The following CHRM3 variants were observed in gnomAD, a reference collection of about 807,000 sequenced individuals.
The protein encoded by CHRM3 is cholinergic receptor muscarinic 3, also known as muscarinic acetylcholine receptor M3.
CHRM3 carries 11 observed loss-of-function variants against 41.8 expected under a neutral mutation model. The ratio of observed to expected loss-of-function variants is 0.26; its 90% confidence interval spans 0.17 to 0.44. The LOEUF is 0.44. Among genes scored for constraint, CHRM3 ranks in the 20% least tolerant of loss-of-function variants. CHRM3 has a pLI of 1.00. For synonymous variants in CHRM3, 297 were observed against 301.4 expected, an observed-to-expected ratio of 0.99 and a Z score of 0.15; for missense variants, 571 against 745.4, an observed-to-expected ratio of 0.77 and a Z score of 2.72.
intron 4 of CHRM3, among the ~76,000 whole-genome samples, chr1:239,654,214 C>T (rs1191159760): frequency 1.3e-5 from 2 of 152,102 alleles, no homozygotes; most frequent in African/African-American, 4.8e-5. Context: ...AAGCAATCCT[C>T]TTGCTTAGGC....
intron 5 of CHRM3, chr1:239,705,231 A>T (rs1227500555): frequency 6.6e-6 from 1 of 152,212 alleles, no homozygotes; most frequent in Non-Finnish European, 1.5e-5. Context: ...AAAAGAAAAA[A>T]GTATGGAGCA....
intron 5 of CHRM3, among the ~76,000 whole-genome samples, chr1:239,774,271 C>T (rs1464529387): frequency 6.6e-6 from 1 of 152,136 alleles, no homozygotes; most frequent in Admixed American, 6.6e-5. Context: ...GCTCTTTTTA[C>T]AGCTGTGGCT....
chr1:239,549,469 G>C (rs557949180), intron 3 of CHRM3, among the ~76,000 whole-genome samples: 1 of 147,664 alleles, frequency 6.8e-6, no homozygotes, highest in South Asian at 2.2e-4. Flanking sequence ...GGCCAACATG[G>C]TGAAAACCCA....
chr1:239,775,090 T>G (rs573424805), intron 5 of CHRM3, among the ~76,000 whole-genome samples: 85 of 152,308 alleles, frequency 5.6e-4, no homozygotes, highest in African/African-American at 2.0e-3. Context: ...TATTTGATAT[T>G]TTTCCATGTT....
At chr1:239,735,547 T>C (rs532416302) in intron 5 of CHRM3, among the ~76,000 whole-genome samples, 1 of 152,280 alleles carries the variant, frequency 6.6e-6, no homozygotes, top group Non-Finnish European at 1.5e-5. Context: ...AAACATGGAT[T>C]CATTAATTTT....
intron 3 of CHRM3, among the ~76,000 whole-genome samples, chr1:239,557,247 A>G (rs73120631): frequency 0.013 from 1,987 of 152,248 alleles, 37 homozygotes; most frequent in African/African-American, 0.043. Context: ...TGTCAGTGTG[A>G]TTCAAACCTC....
intron 2 of CHRM3, among the ~76,000 whole-genome samples, chr1:239,515,021 C>T (rs1669163530): frequency 6.6e-6 from 1 of 152,042 alleles, no homozygotes; most frequent in Non-Finnish European, 1.5e-5. Flanking sequence ...ACATTTTTGT[C>T]AGCACATATG....
At chr1:239,505,224 A>G (rs528629199) in intron 2 of CHRM3, among the ~76,000 whole-genome samples, 1 of 152,026 alleles carries the variant, frequency 6.6e-6, no homozygotes, top group South Asian at 2.1e-4. Flanking sequence ...GTGTAGAGGA[A>G]TGCTTGAGGC....
chr1:239,538,097 G>A (rs555816369), intron 2 of CHRM3, among the ~76,000 whole-genome samples: 26 of 152,266 alleles, frequency 1.7e-4, no homozygotes, highest in African/African-American at 5.8e-4. Flanking sequence ...AAAGGAAGAG[G>A]GGAAGTAGCA....
chr1:239,809,355 G>C (rs532881466), intron 5 of CHRM3, among the ~76,000 whole-genome samples: 1 of 152,042 alleles, frequency 6.6e-6, no homozygotes, highest in South Asian at 2.1e-4. Context: ...GCCTTAGAAG[G>C]TCAACTTCTG....
intron 3 of CHRM3, among the ~76,000 whole-genome samples, chr1:239,611,006 G>A (rs1027641013): frequency 6.6e-5 from 10 of 152,094 alleles, no homozygotes; most frequent in South Asian, 4.2e-4. Context: ...AGCCAAGATC[G>A]CGCCACTGCA....
chr1:239,813,865 C>T (rs998921538), intron 5 of CHRM3, among the ~76,000 whole-genome samples: 6 of 140,400 alleles, frequency 4.3e-5, no homozygotes, highest in Non-Finnish European at 7.5e-5. Flanking sequence ...TGCAGTGAGC[C>T]GAGATCCCGC....
At chr1:239,784,059 C>T (rs1668709115) in intron 5 of CHRM3, among the ~76,000 whole-genome samples, 2 of 152,164 alleles carry the variant, frequency 1.3e-5, no homozygotes, top group South Asian at 2.1e-4. Flanking sequence ...TTGATGTCTG[C>T]CTAGTATTCC....
chr1:239,753,426 A>G (rs1665990033), intron 5 of CHRM3, among the ~76,000 whole-genome samples: 1 of 152,190 alleles, frequency 6.6e-6, no homozygotes, highest in African/African-American at 2.4e-5. Flanking sequence ...ACTTACAATC[A>G]TGGCAGAAGG....
chr1:239,555,045 A>G (rs959837738), intron 3 of CHRM3, among the ~76,000 whole-genome samples: 3 of 152,036 alleles, frequency 2.0e-5, no homozygotes, highest in African/African-American at 7.2e-5. Flanking sequence ...ATGTATTTCT[A>G]ATCACTTTTT....
chr1:239,497,808 C>G (rs1667980240), intron 2 of CHRM3, among the ~76,000 whole-genome samples: 1 of 152,134 alleles, frequency 6.6e-6, no homozygotes, highest in Non-Finnish European at 1.5e-5. Flanking sequence ...ACAGTACAGG[C>G]AGCAACAAAT....
intron 3 of CHRM3, among the ~76,000 whole-genome samples, chr1:239,579,748 T>C (rs1231996267): frequency 6.6e-6 from 1 of 152,230 alleles, no homozygotes; most frequent in Non-Finnish European, 1.5e-5. Context: ...AGTTGACACT[T>C]ACATAGTACT....
chr1:239,812,237 G>A (rs1325718979), intron 5 of CHRM3, among the ~76,000 whole-genome samples: 1 of 152,088 alleles, frequency 6.6e-6, no homozygotes, highest in Admixed American at 6.6e-5. Flanking sequence ...ATGGGGTTTT[G>A]CCATGTTGCC....
chr1:239,670,419 G>C (rs923368092), intron 4 of CHRM3, among the ~76,000 whole-genome samples: 7 of 152,146 alleles, frequency 4.6e-5, no homozygotes, highest in African/African-American at 1.7e-4. Context: ...GTGAACATCA[G>C]TAGTTCATCA....
Sources: gnomAD v4.1 joint callset for allele counts (sites outside exome capture counted in the v4.1 genomes callset) on GRCh38, gnomAD v4.1.1 for gene constraint, MANE v1.5 for transcripts, NCBI Gene and HGNC (gene_info 2026-07-23, HGNC 2026-07-21) for gene names.